AGAP1: variants seen among roughly 807,000 people sequenced by gnomAD.
AGAP1 encodes ArfGAP with GTPase domain, ankyrin repeat and PH domain 1.
Under a neutral mutation model 105.3 loss-of-function variants are expected in AGAP1, and 29 were observed. The ratio of observed to expected loss-of-function variants is 0.28; its 90% CI spans 0.21 to 0.38. The LOEUF is 0.38. Among genes scored for constraint, AGAP1 ranks in the 10% least tolerant of loss-of-function variants. The pLI is 1.00. For synonymous variants in AGAP1, 509 were observed against 485.9 expected (o/e 1.05, Z -0.63); for missense variants, 998 against 1,165.1 (o/e 0.86, Z 2.09).
intron 9 of AGAP1, among the ~76,000 whole-genome samples, chr2:235,832,775 G>A (rs1252398377): frequency 2.0e-5 from 3 of 152,188 alleles, no homozygotes; most frequent in Admixed American, 2.0e-4. Context: ...TGGGAGTGAA[G>A]GGATGTTCAA....
At chr2:235,776,928 G>A (rs1411574622) in intron 6 of AGAP1, 5 of 471,034 alleles carry the variant, frequency 1.1e-5, no homozygotes, top group Non-Finnish European at 1.3e-5. Context: ...AATCAGCCTC[G>A]GAGCAGGAAA....
At chr2:235,805,873 C>T (rs934068472) in intron 8 of AGAP1, among the ~76,000 whole-genome samples, 1 of 152,218 alleles carries the variant, frequency 6.6e-6, no homozygotes, top group African/African-American at 2.4e-5. Flanking sequence ...AACAAGTGCA[C>T]AGTGCTTGGC....
intron 1 of AGAP1, among the ~76,000 whole-genome samples, chr2:235,624,391 G>T (rs187315857): frequency 9.1e-4 from 138 of 152,294 alleles, no homozygotes; most frequent in Non-Finnish European, 2.9e-4. Flanking sequence ...ACAGTAGATG[G>T]TGCTCTGTGT....
At chr2:235,852,920 C>G (rs2048536871) in intron 9 of AGAP1, 6 of 1,317,242 alleles carry the variant, frequency 4.6e-6, no homozygotes, top group Middle Eastern at 4.8e-4. Context: ...GCTGTTTGTC[C>G]TGACTTCAGC....
chr2:235,695,347 G>C (rs1397110338), intron 1 of AGAP1, among the ~76,000 whole-genome samples: 1 of 152,146 alleles, frequency 6.6e-6, no homozygotes, highest in East Asian at 1.9e-4. Context: ...CTTACAACAG[G>C]ATTGAAATTG....
intron 13 of AGAP1, among the ~76,000 whole-genome samples, chr2:236,016,021 CCTGCT>C (rs1198080707): frequency 2.8e-5 from 4 of 140,956 alleles, no homozygotes; most frequent in Non-Finnish European, 6.0e-5. Flanking sequence ...CGCTGAACGC[CCTGCT>C]CTCAGCCAGG....
chr2:235,818,734 T>C (rs1958606762), intron 9 of AGAP1, among the ~76,000 whole-genome samples: 1 of 152,178 alleles, frequency 6.6e-6, no homozygotes, highest in South Asian at 2.1e-4. Flanking sequence ...CATGCCACCA[T>C]GCCCGACTAA....
intron 15 of AGAP1, among the ~76,000 whole-genome samples, chr2:236,047,462 G>C (rs1367641745): frequency 3.3e-5 from 5 of 151,794 alleles, no homozygotes; most frequent in African/African-American, 1.2e-4. Flanking sequence ...CTGTGCATTG[G>C]TTCTGACTGC....
At chr2:235,632,275 C>T (rs142026590) in intron 1 of AGAP1, among the ~76,000 whole-genome samples, 1 of 152,158 alleles carries the variant, frequency 6.6e-6, no homozygotes, top group Non-Finnish European at 1.5e-5. Context: ...GCATGAACTG[C>T]CCAGCCAGCT....
In AGAP1 at chr2:235,965,391, G is replaced by C. The variant is rs1329748727; in HGVS notation, c.1484-3071G>C. On this transcript the variant is annotated intron_variant, in intron 12 of 17. Transcript: ENST00000304032. The surrounding 1 kb of genome is among the most constrained non-coding windows in gnomAD (Gnocchi z 5.8). The stretch of plus-strand genomic sequence containing the variant: ...ATAAGGGAAAGGAAGTCTTACGGGG[G>C]CGAAGGAAGGCACAGTGAAACAGTG... 6.6e-6 allele frequency among the ~76,000 whole-genome samples: 1 copy of C among 152,196 alleles called. No individual in the cohort carries two copies. The highest frequency in any genetic ancestry group is 1.5e-5 in the Non-Finnish European group (1 of 68,036).
rs944994652 is a variant in AGAP1, at chr2:235,824,148, A to G, written c.1050+16817A>G. 1.1e-4 allele frequency among the ~76,000 whole-genome samples: 17 copies of G among 152,250 alleles called. No homozygotes were observed. Among genetic ancestry groups the G allele is most frequent in the African/African-American group, 3.6e-4 (15 of 41,472 alleles). ...CAGGACTACACCCAGGGACTACTGC[A>G]GAAACGTTTTCTAAATAGCGCCAAC... On this transcript the variant is annotated intron_variant, in intron 9 of 17. Coordinates refer to ENST00000304032, the MANE Select transcript of AGAP1 (RefSeq NM_001037131.3). The surrounding 1 kb of genome is among the most constrained non-coding windows in gnomAD (Gnocchi z 5.2).
At chr2:236,021,310 T>G (rs1198050975) in intron 13 of AGAP1, among the ~76,000 whole-genome samples, 2 of 152,098 alleles carry the variant, frequency 1.3e-5, no homozygotes, top group Admixed American at 1.3e-4. Context: ...GTCTTGGGTA[T>G]CAATCACCTC....
rs533467584 is a variant in AGAP1, at chr2:236,035,875, C to T, written c.1646-686C>T. Among the ~76,000 whole-genome samples, 1 of 152,204 alleles carries T rather than the reference C, an allele frequency of 6.6e-6. No homozygotes were observed. Among genetic ancestry groups the T allele is most frequent in the South Asian group, 2.1e-4 (1 of 4,824 alleles). On this transcript the variant is annotated intron_variant, in intron 13 of 17. Coordinates refer to ENST00000304032, the MANE Select transcript of AGAP1 (RefSeq NM_001037131.3). The surrounding 1 kb of genome is among the most constrained non-coding windows in gnomAD (Gnocchi z 4.2). The stretch of plus-strand genomic sequence containing the variant: ...TTTATGGGTTAGAAAAAATGAACCT[C>T]AGGGGAGTCCAGGAACTTGCCCAAA...
At chr2:235,656,234 C>CT (rs947606201) in intron 1 of AGAP1, among the ~76,000 whole-genome samples, 8 of 152,260 alleles carry the variant, frequency 5.3e-5, no homozygotes, top group African/African-American at 7.2e-5. Context: ...AAGAAGACAA[C>CT]TTTTTTTGCA....
rs1432414197 is a variant in AGAP1, at chr2:235,994,468, G to A, written c.1645+25845G>A. Among the ~76,000 whole-genome samples the A allele has an allele frequency of 6.6e-6, 1 of 152,124 alleles. No individual in the cohort carries two copies. Among genetic ancestry groups the A allele is most frequent in the Non-Finnish European group, 1.5e-5 (1 of 68,026 alleles). ...GCCTCTTGGAGTTACTTGTTGATAG[G>A]ACAGCGTTAAGGGGGTCGTTTCTTT... is the stretch of plus-strand genomic sequence containing the variant. On this transcript the variant is annotated intron_variant, in intron 13 of 17. Coordinates refer to ENST00000304032, the MANE Select transcript of AGAP1 (RefSeq NM_001037131.3). This position sits in a 1 kb window ranked among gnomAD's most constrained non-coding sequence, Gnocchi z 4.4.
intron 1 of AGAP1, among the ~76,000 whole-genome samples, chr2:235,558,103 C>T (rs933352793): frequency 7.9e-5 from 12 of 152,158 alleles, no homozygotes; most frequent in Non-Finnish European, 1.6e-4. Context: ...AGGCTGGCGG[C>T]CTTCCCTGTG....
At position 235,867,517 on chromosome 2, in the gene AGAP1, C is replaced by T. The variant is rs1184679165; in HGVS notation, c.1051-15828C>T. ...AAGGCTCTGGCCCCTCGGGATCATACACCTTATGCTGGTGCTGCAGTGTGT... is the reference window on the plus strand; with the variant it reads ...AAGGCTCTGGCCCCTCGGGATCATATACCTTATGCTGGTGCTGCAGTGTGT... On this transcript the variant is annotated intron_variant, in intron 9 of 17. Transcript: ENST00000304032. This position sits in a 1 kb window ranked among gnomAD's most constrained non-coding sequence, Gnocchi z 5.4. 6.9e-6 allele frequency among the ~76,000 whole-genome samples: 1 copy of T among 144,154 alleles called. No individual in the cohort carries two copies. The highest frequency in any genetic ancestry group is 1.5e-5 in the Non-Finnish European group (1 of 66,580). 94.6% of individuals were successfully genotyped at this position (144,154 alleles called of 152,430 possible).
intron 1 of AGAP1, among the ~76,000 whole-genome samples, chr2:235,580,063 G>A (rs941465409): frequency 6.6e-6 from 1 of 152,154 alleles, no homozygotes; most frequent in African/African-American, 2.4e-5. Flanking sequence ...CATCGAGGGT[G>A]GTAGCATGCA....
At chr2:236,079,758 CGGAG>C (rs2125830388) in intron 16 of AGAP1, among the ~76,000 whole-genome samples, 1 of 152,090 alleles carries the variant, frequency 6.6e-6, no homozygotes, top group African/African-American at 2.4e-5. Context: ...GTGGTACAGA[CGGAG>C]GGAACCCCCA....
Sources: gnomAD v4.1 joint callset for allele counts (sites outside exome capture counted in the v4.1 genomes callset) on GRCh38, gnomAD v4.1.1 for gene constraint, Gnocchi (gnomAD v3.1) non-coding constraint, MANE v1.5 for transcripts, NCBI Gene and HGNC (gene_info 2026-07-23, HGNC 2026-07-21) for gene names.